Variants in SMARCAD1 observed in about 807,000 individuals in gnomAD.
The protein encoded by SMARCAD1 is SNF2 related chromatin remodeling ATPase with DExD box 1.
In SMARCAD1, 25 loss-of-function variants were observed where a neutral mutation model predicts 127.1. The observed-to-expected ratio is 0.20, with a 90% CI of 0.14 to 0.27. The LOEUF is 0.27. Among genes scored for constraint, SMARCAD1 ranks in the 10% least tolerant of loss-of-function variants. The pLI, the probability that SMARCAD1 is intolerant of heterozygous loss-of-function variation, is 1.00. For missense variants in SMARCAD1, 807 were observed against 1,206.0 expected (o/e 0.67, Z 4.90); for synonymous variants, 400 against 396.9 (o/e 1.01, Z -0.09).
intron 8 of SMARCAD1, among the ~76,000 whole-genome samples, chr4:94,252,195 G>A (rs1025961011): frequency 3.5e-4 from 53 of 152,252 alleles, no homozygotes; most frequent in African/African-American, 1.2e-3. Context: ...GAATATTGAA[G>A]ATAGTATTGG....
intron 2 of SMARCAD1, among the ~76,000 whole-genome samples, chr4:94,218,334 A>C (rs1743533605): frequency 6.6e-6 from 1 of 151,484 alleles, no homozygotes; most frequent in African/African-American, 2.4e-5. Context: ...CCCAGACTGG[A>C]GTGCAGTGGC....
chr4:94,237,931 G>A (rs1304947321), intron 5 of SMARCAD1, among the ~76,000 whole-genome samples: 2 of 152,090 alleles, frequency 1.3e-5, no homozygotes, highest in African/African-American at 2.4e-5. Context: ...ATTTTAATAT[G>A]TATTTCCATG....
intron 5 of SMARCAD1, among the ~76,000 whole-genome samples, chr4:94,239,107 C>T (rs143631261): frequency 9.9e-5 from 15 of 152,248 alleles, no homozygotes; most frequent in African/African-American, 3.6e-4. Flanking sequence ...AACTTCCATG[C>T]TGCATCATGG....
intron 19 of SMARCAD1, among the ~76,000 whole-genome samples, chr4:94,279,931 C>G (rs1159766738): frequency 6.6e-6 from 1 of 151,892 alleles, no homozygotes; most frequent in Admixed American, 6.6e-5. Context: ...ATGGCATGAT[C>G]TCTGCTCACT....
chr4:94,276,232 C>A (rs1579324777), intron 14 of SMARCAD1, 107 bp from the exon 15 acceptor site: 1 of 1,166,148 alleles, frequency 8.6e-7, no homozygotes, highest in East Asian at 2.5e-5. Context: ...TAAGTACTGG[C>A]TGTTAGAAAT....
At chr4:94,281,681 T>C (rs1754046005) in intron 21 of SMARCAD1, 91 bp downstream of exon 21, 1 of 899,808 alleles carries the variant, frequency 1.1e-6, no homozygotes, top group Non-Finnish European at 1.8e-6. Context: ...GATAGTATTT[T>C]GTTGTTTTTA....
At position 94,274,776 on chromosome 4, in the gene SMARCAD1, T is replaced by C. The variant is rs1753028315; in HGVS notation, c.1711T>C (p.Leu571=). 6.2e-7 allele frequency: 1 copy of C among 1,613,852 alleles called. No homozygotes were observed. The highest frequency in any genetic ancestry group is 8.5e-7 in the Non-Finnish European group (1 of 1,179,870). ...GGAAGTTAATTTATGGTGCCCTACT[T>C]TGAAGGTCCTCTGTTACTATGGTAA... ...LREVNLWCPT[L]KVLCYYGSQE... Residue 571 remains leucine (L), a synonymous_variant, in exon 13 of 24, where the codon TTG becomes CTG. Transcript: ENST00000354268.
chr4:94,274,283 C>T (rs955956607), intron 12 of SMARCAD1, among the ~76,000 whole-genome samples: 1 of 152,008 alleles, frequency 6.6e-6, no homozygotes, highest in Non-Finnish European at 1.5e-5. Flanking sequence ...TGTAAAGGGT[C>T]TGTGATAAAA....
rs1755544503 is a variant in SMARCAD1 at position 94,290,516 on chromosome 4, A to G, written c.*982A>G. ...AGGCAGCATTAGGTACTGCATGGAA[A>G]TAGGTCATTAACTTGAAACTCTTAT... On this transcript the variant is annotated 3_prime_UTR_variant, in exon 24 of 24. Coordinates refer to ENST00000354268, the MANE Select transcript of SMARCAD1 (RefSeq NM_020159.5). 10 of 454,524 alleles carry G rather than the reference A, an allele frequency of 2.2e-5. No homozygotes were observed. The highest frequency in any genetic ancestry group is 6.0e-5 in the African/African-American group (3 of 50,134). The allele number at this position is 454,524 out of a possible 1,614,324, so 28.2% of individuals were successfully genotyped here.
chr4:94,214,664 A>T (rs143322691), intron 2 of SMARCAD1, among the ~76,000 whole-genome samples: 1 of 152,200 alleles, frequency 6.6e-6, no homozygotes, highest in Non-Finnish European at 1.5e-5. Context: ...ACTGAAGAAC[A>T]GTTGGACTGT....
chr4:94,255,876 A>T (rs1750002764), intron 9 of SMARCAD1, among the ~76,000 whole-genome samples: 1 of 152,124 alleles, frequency 6.6e-6, no homozygotes, highest in South Asian at 2.1e-4. Context: ...TTTTCTGCAT[A>T]ATAGCAGTAA....
chr4:94,244,013 G>C (rs1213927586), intron 6 of SMARCAD1, among the ~76,000 whole-genome samples: 1 of 152,122 alleles, frequency 6.6e-6, no homozygotes, highest in Non-Finnish European at 1.5e-5. Flanking sequence ...CCACATTATG[G>C]ACCATCAAAG....
At chr4:94,276,183 GTATT>G (rs1412451960) in intron 14 of SMARCAD1, among the ~76,000 whole-genome samples, 152 bp from the exon 15 acceptor site, 1 of 152,116 alleles carries the variant, frequency 6.6e-6, no homozygotes, top group Non-Finnish European at 1.5e-5. Context: ...AAGTACGTCA[GTATT>G]TATTTGAGTA....
intron 3 of SMARCAD1, among the ~76,000 whole-genome samples, chr4:94,226,579 T>C (rs1028998887): frequency 9.3e-5 from 14 of 150,458 alleles, no homozygotes; most frequent in African/African-American, 3.4e-4. Flanking sequence ...TATGGAAGTT[T>C]AAAAGAATTG....
chr4:94,256,815 G>C (rs1394524703), intron 9 of SMARCAD1, among the ~76,000 whole-genome samples: 1 of 145,964 alleles, frequency 6.9e-6, no homozygotes, highest in African/African-American at 2.5e-5. Flanking sequence ...TTTAATTTGT[G>C]TAAGTTTGAT....
intron 2 of SMARCAD1, among the ~76,000 whole-genome samples, chr4:94,224,809 C>T (rs1191478594): frequency 6.6e-6 from 1 of 152,100 alleles, no homozygotes; most frequent in African/African-American, 2.4e-5. Context: ...GTTTATTTCT[C>T]TCTTTCATGG....
intron 4 of SMARCAD1, among the ~76,000 whole-genome samples, chr4:94,236,512 T>C (rs1272333459): frequency 6.6e-6 from 1 of 150,834 alleles, no homozygotes; most frequent in Non-Finnish European, 1.5e-5. Flanking sequence ...CCCTAGAAAT[T>C]AAAAAAAAAG....
intron 2 of SMARCAD1, 66 bp downstream of exon 2, chr4:94,208,650 G>T: frequency 6.9e-7 from 1 of 1,444,032 alleles, no homozygotes; most frequent in Non-Finnish European, 9.7e-7. Context: ...AGGCAGAAGG[G>T]ATTCTCATTT....
chr4:94,269,873 A>G (rs972645611), intron 10 of SMARCAD1, among the ~76,000 whole-genome samples: 17 of 151,766 alleles, frequency 1.1e-4, no homozygotes, highest in South Asian at 4.2e-4. Context: ...CGTTTTGTCA[A>G]TGTTGCCCAG....
Sources: allele counts gnomAD v4.1 joint callset (sites outside exome capture counted in the v4.1 genomes callset), GRCh38; gene constraint gnomAD v4.1.1; transcripts MANE v1.5; gene names NCBI Gene and HGNC (gene_info 2026-07-23, HGNC 2026-07-21).